The following EPM2A variants were observed in gnomAD, a reference collection of about 807,000 sequenced individuals.
The protein encoded by EPM2A is laforin.
In EPM2A, 21 loss-of-function variants were observed where a neutral mutation model predicts 26.5. The ratio of observed to expected loss-of-function variants is 0.79; its 90% CI spans 0.56 to 1.14. The LOEUF (loss-of-function observed/expected upper bound fraction) is 1.14, where lower values mean the gene tolerates loss of function less well. Among genes scored for constraint, EPM2A ranks in the 50% most tolerant of loss-of-function variants. The pLI is 0.00. For missense variants in EPM2A, 458 were observed against 440.8 expected, an observed-to-expected ratio of 1.04 and a Z score of -0.35; for synonymous variants, 217 against 177.6, an observed-to-expected ratio of 1.22 and a Z score of -1.76.
At chr6:145,430,923 G>A (rs1238721662) in intron 4 of EPM2A, among the ~76,000 whole-genome samples, 1 of 152,150 alleles carries the variant, frequency 6.6e-6, no homozygotes, top group Non-Finnish European at 1.5e-5. Flanking sequence ...AAACATGAAT[G>A]CTAAACTATT....
intron 2 of EPM2A, among the ~76,000 whole-genome samples, chr6:145,613,183 T>C (rs1476094581): frequency 6.6e-6 from 1 of 152,220 alleles, no homozygotes; most frequent in Non-Finnish European, 1.5e-5. Flanking sequence ...CACTAGTTGT[T>C]AACATCGCAG....
At chr6:145,709,461 T>C (rs2128630969) in intron 1 of EPM2A, among the ~76,000 whole-genome samples, 1 of 152,136 alleles carries the variant, frequency 6.6e-6, no homozygotes, top group East Asian at 1.9e-4. Context: ...AAAGGGGAGT[T>C]CTCCTGCACA....
downstream of EPM2A, among the ~76,000 whole-genome samples, chr6:145,498,287 G>T (rs1425208851): frequency 6.6e-6 from 1 of 152,200 alleles, no homozygotes; most frequent in East Asian, 1.9e-4. Context: ...TATTCTGTGA[G>T]GCACCATGGA....
At chr6:145,506,942 C>A (rs1779984458) in intron 2 of EPM2A, among the ~76,000 whole-genome samples, 1 of 152,300 alleles carries the variant, frequency 6.6e-6, no homozygotes, top group Non-Finnish European at 1.5e-5. Flanking sequence ...CCATGGAGAG[C>A]ATCTAGGCCA....
intron 2 of EPM2A, among the ~76,000 whole-genome samples, chr6:145,615,455 C>A (rs9403735): frequency 6.6e-6 from 1 of 151,660 alleles, no homozygotes; most frequent in Non-Finnish European, 1.5e-5. Context: ...ATTAACAGCA[C>A]GAAAACAGAC....
At chr6:145,446,387 C>T (rs917411512) in intron 4 of EPM2A, among the ~76,000 whole-genome samples, 2 of 144,590 alleles carry the variant, frequency 1.4e-5, no homozygotes, top group African/African-American at 4.9e-5. Flanking sequence ...CATCAGTGGG[C>T]CTGTTTCTAT....
intron 4 of EPM2A, among the ~76,000 whole-genome samples, chr6:145,391,735 T>C (rs532587001): frequency 5.0e-4 from 76 of 152,266 alleles, no homozygotes; most frequent in African/African-American, 1.5e-3. Context: ...TTCCCCGTGA[T>C]TGAAGATAAT....
intron 4 of EPM2A, among the ~76,000 whole-genome samples, chr6:145,425,404 A>G (rs2114687365): frequency 6.6e-6 from 1 of 152,116 alleles, no homozygotes; most frequent in Non-Finnish European, 1.5e-5. Context: ...TGAACCCCTG[A>G]CCTCAAGGGA....
At chr6:145,602,250 C>T (rs1781425712) in intron 2 of EPM2A, among the ~76,000 whole-genome samples, 1 of 152,090 alleles carries the variant, frequency 6.6e-6, no homozygotes, top group African/African-American at 2.4e-5. Context: ...ATTTATTAAT[C>T]TTAATACATT....
At chr6:145,405,785 T>C (rs530637245) in intron 4 of EPM2A, among the ~76,000 whole-genome samples, 224 of 152,258 alleles carry the variant, frequency 1.5e-3, no homozygotes, top group Non-Finnish European at 2.0e-3. Flanking sequence ...CTGGAAACTG[T>C]TGAATAGCTG....
At chr6:145,718,141 A>G (rs1341209258) in intron 1 of EPM2A, among the ~76,000 whole-genome samples, 2 of 152,108 alleles carry the variant, frequency 1.3e-5, no homozygotes, top group Non-Finnish European at 2.9e-5. Context: ...ATGGAACCAA[A>G]AAAGAGCCTG....
intron 2 of EPM2A, among the ~76,000 whole-genome samples, chr6:145,611,684 A>G (rs1775395342): frequency 6.6e-6 from 1 of 152,138 alleles, no homozygotes; most frequent in African/African-American, 2.4e-5. Flanking sequence ...GTAACAGGTC[A>G]CTAAGTTTGC....
At chr6:145,498,291 C>T (rs1779846533), downstream of EPM2A, among the ~76,000 whole-genome samples, 1 of 152,198 alleles carries the variant, frequency 6.6e-6, no homozygotes, top group Non-Finnish European at 1.5e-5. Context: ...CTGTGAGGCA[C>T]CATGGAAGTG....
In EPM2A at chr6:145,569,357, G is replaced by A. The variant is rs531491896; in HGVS notation, c.340+65888C>T. ...TACATTCATAACAGTACATTCAGAT[G>A]ACCTCATATGCCCCCAGCATGCTAT... is the stretch of plus-strand genomic sequence containing the variant. On this transcript the variant is annotated intron_variant, in intron 2 of 3. Transcript: ENST00000450221. Among the ~76,000 whole-genome samples, 26 of 152,272 alleles carry A rather than the reference G, an allele frequency of 1.7e-4. No individual in the cohort carries two copies. The South Asian group carries it at 5.4e-3, about 32-fold the overall frequency.
intron 2 of EPM2A, 125 bp downstream of exon 2, chr6:145,685,997 G>A (rs1780874264): frequency 1.3e-6 from 1 of 799,142 alleles, no homozygotes; most frequent in South Asian, 1.5e-5. Flanking sequence ...TCTCCTCAAA[G>A]TACTACAGGC....
intron 2 of EPM2A, chr6:145,640,621 T>C (rs557395682): frequency 2.0e-4 from 31 of 152,294 alleles, no homozygotes; most frequent in African/African-American, 7.0e-4. Flanking sequence ...TTGTGTTGCA[T>C]TTATCTTATT....
At chr6:145,593,330 G>C (rs1057485451) in intron 2 of EPM2A, among the ~76,000 whole-genome samples, 3 of 152,046 alleles carry the variant, frequency 2.0e-5, no homozygotes, top group African/African-American at 7.2e-5. Context: ...AGAAGAAATA[G>C]GCACATCTAC....
At chr6:145,566,904 C>T (rs1200656582) in intron 2 of EPM2A, among the ~76,000 whole-genome samples, 1 of 152,120 alleles carries the variant, frequency 6.6e-6, no homozygotes, top group East Asian at 1.9e-4. Context: ...AATTCATTCT[C>T]GTTTAGTAGT....
chr6:145,714,152 T>C (rs911673565), intron 1 of EPM2A, among the ~76,000 whole-genome samples: 1 of 152,190 alleles, frequency 6.6e-6, no homozygotes, highest in African/African-American at 2.4e-5. Context: ...TAAGTGTTGA[T>C]AGTTACATAA....
Sources: gnomAD v4.1 joint callset for allele counts (sites outside exome capture counted in the v4.1 genomes callset) on GRCh38, gnomAD v4.1.1 for gene constraint, MANE v1.5 for transcripts, NCBI Gene and HGNC (gene_info 2026-07-23, HGNC 2026-07-21) for gene names.